Variants in RBPJ observed in about 807,000 individuals in gnomAD.
The protein encoded by RBPJ is recombination signal binding protein for immunoglobulin kappa J region.
In RBPJ, 9 loss-of-function variants were observed where a neutral mutation model predicts 67.8. The ratio of observed to expected loss-of-function variants is 0.13; its 90% CI spans 0.08 to 0.23. The LOEUF (loss-of-function observed/expected upper bound fraction) is 0.23. Among genes scored for constraint, RBPJ ranks in the 10% least tolerant of loss-of-function variants. RBPJ has a pLI of 1.00. For synonymous variants in RBPJ, 198 were observed against 203.3 expected (o/e 0.97, Z 0.22); for missense variants, 305 against 595.6 (o/e 0.51, Z 5.08).
chr4:26,210,283 C>T (rs1453010278), intron 1 of RBPJ, among the ~76,000 whole-genome samples: 1 of 152,124 alleles, frequency 6.6e-6, no homozygotes, highest in East Asian at 1.9e-4. Flanking sequence ...TCCCTTTCCG[C>T]ACAGGATCCC....
intron 3 of RBPJ, among the ~76,000 whole-genome samples, chr4:26,410,741 A>G (rs1733932524): frequency 1.3e-5 from 2 of 152,236 alleles, no homozygotes; most frequent in African/African-American, 2.4e-5. Context: ...AATTTATTTT[A>G]TATATTGGAA....
chr4:26,363,062 T>C (rs1258484492), intron 1 of RBPJ, among the ~76,000 whole-genome samples: 1 of 152,248 alleles, frequency 6.6e-6, no homozygotes, highest in East Asian at 1.9e-4. Context: ...AAACAATTTT[T>C]ATTTGGGCCA....
chr4:26,238,428 T>C (rs898832109), intron 1 of RBPJ, among the ~76,000 whole-genome samples: 2 of 152,184 alleles, frequency 1.3e-5, no homozygotes, highest in Non-Finnish European at 2.9e-5. Flanking sequence ...ATCATTGTAT[T>C]AATGTATCTC....
intron 1 of RBPJ, among the ~76,000 whole-genome samples, chr4:26,182,827 G>T (rs1717059280): frequency 6.6e-6 from 1 of 152,148 alleles, no homozygotes; most frequent in Admixed American, 6.5e-5. Flanking sequence ...TAAAAGCTAA[G>T]ACACACACAC....
intron 1 of RBPJ, among the ~76,000 whole-genome samples, chr4:26,348,373 G>A (rs1048267853): frequency 6.6e-6 from 1 of 152,264 alleles, no homozygotes; most frequent in African/African-American, 2.4e-5. Flanking sequence ...TACTAAATGA[G>A]GTGATGGACT....
chr4:26,409,174 C>T (rs759630883), intron 3 of RBPJ, among the ~76,000 whole-genome samples: 11 of 152,078 alleles, frequency 7.2e-5, no homozygotes, highest in Non-Finnish European at 1.6e-4. Flanking sequence ...CATTTAATAC[C>T]GGGATGTATA....
intron 1 of RBPJ, among the ~76,000 whole-genome samples, chr4:26,191,208 TATAGAGAGAGAGAGAG>T (rs1365136311): frequency 1.8e-4 from 5 of 27,252 alleles, no homozygotes; most frequent in South Asian, 7.6e-3. Flanking sequence ...TATATATATA[TATAGAGAGAGAGAGAG>T]AGAGAGAGAG....
upstream of RBPJ, among the ~76,000 whole-genome samples, chr4:26,162,018 A>C (rs1320766543): frequency 6.6e-6 from 1 of 152,260 alleles, no homozygotes; most frequent in Admixed American, 6.5e-5. Flanking sequence ...TTTTCTGGGC[A>C]TATGGCTGTT....
intron 1 of RBPJ, among the ~76,000 whole-genome samples, chr4:26,236,360 A>G (rs1004081648): frequency 1.3e-5 from 2 of 152,192 alleles, no homozygotes; most frequent in Non-Finnish European, 2.9e-5. Context: ...TAGTGGCTTA[A>G]AACAATAGTC....
intron 1 of RBPJ, among the ~76,000 whole-genome samples, chr4:26,280,836 C>T (rs1721250762): frequency 6.6e-6 from 1 of 152,070 alleles, no homozygotes; most frequent in Non-Finnish European, 1.5e-5. Flanking sequence ...ATGCAGACTT[C>T]TGGATAAAAC....
intron 1 of RBPJ, among the ~76,000 whole-genome samples, chr4:26,181,703 C>T (rs1717002297): frequency 6.6e-6 from 1 of 152,208 alleles, no homozygotes; most frequent in South Asian, 2.1e-4. Context: ...GCATGTGACT[C>T]TACTGGATAC....
chr4:26,361,791 A>AT (rs1728089721), intron 1 of RBPJ, among the ~76,000 whole-genome samples: 1 of 152,178 alleles, frequency 6.6e-6, no homozygotes, highest in African/African-American at 2.4e-5. Context: ...ACTTCTTACT[A>AT]TACCATTTCT....
At chr4:26,231,150 T>C (rs1719269427) in intron 1 of RBPJ, among the ~76,000 whole-genome samples, 1 of 152,220 alleles carries the variant, frequency 6.6e-6, no homozygotes, top group African/African-American at 2.4e-5. Flanking sequence ...TTTCAACATT[T>C]TAACTGTGTC....
At chr4:26,244,979 A>G (rs1452614268) in intron 1 of RBPJ, among the ~76,000 whole-genome samples, 1 of 150,946 alleles carries the variant, frequency 6.6e-6, no homozygotes, top group African/African-American at 2.4e-5. Flanking sequence ...GTTATTTAAT[A>G]TTAATATTTT....
chr4:26,268,192 C>T (rs1359931759), intron 1 of RBPJ, among the ~76,000 whole-genome samples: 1 of 152,028 alleles, frequency 6.6e-6, no homozygotes, highest in Admixed American at 6.6e-5. Context: ...TCCCTCTTTG[C>T]TTTATATTCA....
chr4:26,321,587 C>T (rs1490238956), intron 1 of RBPJ: 1 of 152,668 alleles, frequency 6.6e-6, no homozygotes, highest in East Asian at 1.9e-4. Context: ...TTTGTTGTGC[C>T]ACACTCTTGT....
At chr4:26,349,096 GCA>G (rs1553867507) in intron 1 of RBPJ, among the ~76,000 whole-genome samples, 4 of 150,944 alleles carry the variant, frequency 2.6e-5, no homozygotes, top group African/African-American at 7.3e-5. Context: ...GTGCGCGCGC[GCA>G]CGCACTTGCC....
chr4:26,410,663 G>A (rs1267728112), intron 3 of RBPJ, among the ~76,000 whole-genome samples: 1 of 152,166 alleles, frequency 6.6e-6, no homozygotes, highest in African/African-American at 2.4e-5. Flanking sequence ...AATCATCAAA[G>A]GTTAGTGATG....
At chr4:26,351,015 A>G (rs540164438) in intron 1 of RBPJ, among the ~76,000 whole-genome samples, 2 of 152,146 alleles carry the variant, frequency 1.3e-5, no homozygotes, top group Non-Finnish European at 2.9e-5. Context: ...GCAGTTGGAT[A>G]TAAATAACTC....
Sources: allele counts gnomAD v4.1 joint callset (sites outside exome capture counted in the v4.1 genomes callset), GRCh38; gene constraint gnomAD v4.1.1; transcripts MANE v1.5; gene names NCBI Gene and HGNC (gene_info 2026-07-23, HGNC 2026-07-21).